TPSG1: variants seen among roughly 807,000 people sequenced by gnomAD.
TPSG1 encodes the protein tryptase gamma 1.
In TPSG1, 43 loss-of-function variants were observed where a neutral mutation model predicts 23.8. The ratio of observed to expected loss-of-function variants is 1.81; its 90% CI spans 1.42 to 2.33. The LOEUF is 2.33. TPSG1 is among the 30% of genes most tolerant of loss of function. The pLI is 0.00. For synonymous variants in TPSG1, 302 were observed against 201.3 expected, an observed-to-expected ratio of 1.50 and a Z score of -4.23; for missense variants, 623 against 438.6, an observed-to-expected ratio of 1.42 and a Z score of -3.75.
At chr16:1,224,662 G>A (rs764947935) in intron 1 of TPSG1, 34 bp from the exon 2 acceptor site, 71 of 1,613,270 alleles carry the variant, frequency 4.4e-5, no homozygotes, top group Non-Finnish European at 5.4e-5. Context: ...GGATGGAGGG[G>A]GCTGCCAAGG....
At position 1,222,734 on chromosome 16, in the gene TPSG1, G is replaced by A. The variant is rs374132745; in HGVS notation, c.429C>T (p.Pro143=). 38 of 1,611,126 alleles carry A rather than the reference G, an allele frequency of 2.4e-5. No homozygotes were observed. The highest frequency in any genetic ancestry group is 3.3e-5 in the South Asian group (3 of 91,006). ...CATCTGAGGCCTCCGGGAGGCAGAC[G>A]GGCAGGATCCGGCTGGAGAGGGTCA... The part of the protein sequence containing the change: ...VPVTLSSRIL[P]VCLPEASDDF... The change falls in exon 4 of 6, where the codon CCC becomes CCT. Residue 143 remains proline (P), a synonymous_variant. Coordinates refer to ENST00000234798, the MANE Select transcript of TPSG1 (RefSeq NM_012467.4).
intron 1 of TPSG1, 70 bp from the exon 2 acceptor site, chr16:1,224,698 C>G: frequency 1.2e-6 from 2 of 1,602,602 alleles, no homozygotes; most frequent in Non-Finnish European, 1.7e-6. Flanking sequence ...CTCCAGAGGC[C>G]CCTGCCAGGC....
chr16:1,224,437 C>T (rs546620560), intron 2 of TPSG1, among the ~76,000 whole-genome samples, 165 bp downstream of exon 2: 87 of 152,204 alleles, frequency 5.7e-4, no homozygotes, highest in African/African-American at 2.0e-3. Flanking sequence ...GCAGCACACC[C>T]CGACCAGCCC....
rs1233437363 is a variant in TPSG1 at position 1,223,421 on chromosome 16, AC to A, written c.245+1del. 6.3e-7 allele frequency: 1 copy of A among 1,578,942 alleles called. No individual in the cohort carries two copies. The highest frequency in any genetic ancestry group is 8.6e-7 in the Non-Finnish European group (1 of 1,164,760). On this transcript the variant is annotated splice_donor_variant, in intron 3 of 5. Coordinates refer to ENST00000234798, the MANE Select transcript of TPSG1 (RefSeq NM_012467.4). LOFTEE classifies it high-confidence loss of function. ...ACTGCCCCTGCCCACCCGGACACTC[AC>A]CCGGAGAAGCAGTGGGCAGCTGTGA...
chr16:1,222,823 A>C lies in TPSG1; in HGVS notation c.340T>G (p.Ser114Ala), dbSNP rs1283101537. 1 of 1,611,894 alleles carries C rather than the reference A, an allele frequency of 6.2e-7. No homozygotes were observed. Among genetic ancestry groups the C allele is most frequent in the East Asian group, 2.2e-5 (1 of 44,872 alleles). ...GTCCCCGGCTGTCCTGAGGGGCTGGAGTGCAGGATGATCTGCCTCACGGTG... is the reference window on the plus strand; with the variant it reads ...GTCCCCGGCTGTCCTGAGGGGCTGGCGTGCAGGATGATCTGCCTCACGGTG... The part of the protein sequence containing the change: ...FSTVRQIILH[S>A]SPSGQPGTSG... Residue 114 changes from serine (S) to alanine (A), a missense_variant, in exon 4 of 6, where the codon TCC becomes GCC. Coordinates refer to ENST00000234798, the MANE Select transcript of TPSG1 (RefSeq NM_012467.4).
intron 2 of TPSG1, 26 bp downstream of exon 2, chr16:1,224,576 A>C (rs780264987): frequency 1.9e-6 from 3 of 1,613,142 alleles, no homozygotes; most frequent in Non-Finnish European, 8.5e-7. Context: ...ACCCTCCCCC[A>C]CACCCCACAC....
Position 1,221,835 on chromosome 16 carries a change from G to C in TPSG1, c.919C>G (p.Leu307Val), listed in dbSNP as rs949698143. The stretch of plus-strand genomic sequence containing the variant: ...GTACCATCCGCAGATGGGTGCAGCA[G>C]GCACTTGGCCAGCAGGACACAGGAG... ...LVSCVLLAKC[L>V]LHPSADGTPF... Residue 307 changes from leucine (L) to valine (V), a missense_variant, in exon 6 of 6, where the codon CTG (leucine) becomes GTG (valine). Transcript: ENST00000234798. 3 of 1,611,874 alleles carry C rather than the reference G, an allele frequency of 1.9e-6. No individual in the cohort carries two copies. Among genetic ancestry groups the C allele is most frequent in the Non-Finnish European group, 2.5e-6 (3 of 1,179,500 alleles).
intron 3 of TPSG1, 125 bp from the exon 4 acceptor site, chr16:1,223,042 C>T: frequency 7.9e-7 from 1 of 1,263,266 alleles, no homozygotes; most frequent in Non-Finnish European, 1.1e-6. Flanking sequence ...GCTTGGGACG[C>T]AGAAAGCCTG....
At position 1,224,682 on chromosome 16, in the gene TPSG1, T is replaced by C. The variant is rs1165967362; in HGVS notation, c.47-54A>G. The C allele has an allele frequency of 1.9e-6, 3 of 1,611,582 alleles. No individual in the cohort carries two copies. In the Admixed American group the frequency reaches 5.0e-5, roughly 27 times the overall value. On this transcript the variant is annotated intron_variant, in intron 1 of 5. Coordinates refer to ENST00000234798, the MANE Select transcript of TPSG1 (RefSeq NM_012467.4). ...GAGGGGGCTGCCAAGGAGAGGGGTG[T>C]GCGGGCTCCAGAGGCCCCTGCCAGG...
chr16:1,224,521 G>A, intron 2 of TPSG1, 81 bp downstream of exon 2: 1 of 1,583,784 alleles, frequency 6.3e-7, no homozygotes, highest in Non-Finnish European at 8.6e-7. Flanking sequence ...TGGGACCCCA[G>A]GGAAGGAGAG....
chr16:1,223,716 C>CG, intron 2 of TPSG1, 122 bp from the exon 3 acceptor site: 1 of 1,198,988 alleles, frequency 8.3e-7, no homozygotes, highest in Non-Finnish European at 1.1e-6. Context: ...TCAGCTCTCT[C>CG]GTCTGCCAGA....
intron 2 of TPSG1, 104 bp downstream of exon 2, chr16:1,224,498 C>T (rs573938472): frequency 5.2e-5 from 78 of 1,488,158 alleles, no homozygotes; most frequent in Non-Finnish European, 6.3e-5. Context: ...CTATGACCTC[C>T]CCGGGCCCCC....
At chr16:1,223,397 C>T (rs912380953) in intron 3 of TPSG1, 26 bp downstream of exon 3, 7 of 1,555,976 alleles carry the variant, frequency 4.5e-6, no homozygotes, top group Admixed American at 1.9e-5. Context: ...GACATTGAGA[C>T]TGCCCCTGCC....
intron 4 of TPSG1, 109 bp from the exon 5 acceptor site, chr16:1,222,450 C>A: frequency 1.6e-6 from 2 of 1,253,906 alleles, no homozygotes; most frequent in East Asian, 4.7e-5. Flanking sequence ...ACCCTCGTCA[C>A]GGCACGTGGG....
chr16:1,224,900 A>C (rs2030064292), intron 1 of TPSG1: 1 of 593,332 alleles, frequency 1.7e-6, no homozygotes, highest in South Asian at 2.1e-5. Flanking sequence ...TCAGGAAAGA[A>C]ATCACCAGTG....
In TPSG1 at chr16:1,222,250, GC is replaced by G; in HGVS notation, c.602del (p.Gly201AlafsTer30). On this transcript the variant is annotated frameshift_variant, in exon 5 of 6. Coordinates refer to ENST00000234798, the MANE Select transcript of TPSG1 (RefSeq NM_012467.4). LOFTEE classifies it high-confidence loss of function. ...ACAGCATGTCGGGCTGAAGGATGCT[GC>G]CCCCGGGGCCGGGATAGTCCCGGCG... ...TCRRDYPGPG[G>X]SILQPDMLCA... The G allele has an allele frequency of 6.2e-7, 1 of 1,612,056 alleles. No homozygotes were observed.
chr16:1,225,103 A>T (rs1286364690), intron 1 of TPSG1, 104 bp downstream of exon 1: 2 of 1,416,888 alleles, frequency 1.4e-6, no homozygotes, highest in Non-Finnish European at 1.9e-6. Context: ...GTGGGGACTC[A>T]GCATGTTTCT....
intron 2 of TPSG1, chr16:1,223,907 C>T: frequency 2.4e-6 from 1 of 422,484 alleles, no homozygotes; most frequent in Non-Finnish European, 4.2e-6. Flanking sequence ...ACGGTGGAGC[C>T]CCCGAGAAGG....
chr16:1,222,802 C>T lies in TPSG1; in HGVS notation c.361G>A (p.Gly121Arg), dbSNP rs759517315. 6.8e-6 allele frequency: 11 copies of T among 1,612,304 alleles called. No individual in the cohort carries two copies. The highest frequency in any genetic ancestry group is 9.3e-6 in the Non-Finnish European group (11 of 1,179,852). ...ILHSSPSGQP[G>R]TSGDIALVEL... Reference sequence around the variant, plus strand: ...ACCAGGGCGATGTCCCCGCTGGTCCCCGGCTGTCCTGAGGGGCTGGAGTGC... The same window carrying T: ...ACCAGGGCGATGTCCCCGCTGGTCCTCGGCTGTCCTGAGGGGCTGGAGTGC... The change falls in exon 4 of 6, where the codon GGG (glycine) becomes AGG (arginine). Residue 121 changes from glycine to arginine, a missense_variant. Coordinates refer to ENST00000234798, the MANE Select transcript of TPSG1 (RefSeq NM_012467.4).
Sources: gnomAD v4.1 joint callset for allele counts (sites outside exome capture counted in the v4.1 genomes callset) on GRCh38, gnomAD v4.1.1 for gene constraint, MANE v1.5 for transcripts, NCBI Gene and HGNC (gene_info 2026-07-23, HGNC 2026-07-21) for gene names.